The following ASPSCR1 variants were observed in gnomAD, a reference collection of about 807,000 sequenced individuals.
ASPSCR1 encodes the protein tether containing UBX domain for GLUT4.
In ASPSCR1, 55 loss-of-function variants were observed where a neutral mutation model predicts 68.9. The observed-to-expected ratio is 0.80, with a 90% confidence interval of 0.64 to 1.00. ASPSCR1 has a LOEUF of 1.00. Ranked by LOEUF, ASPSCR1 falls within the 50% of genes least tolerant of loss-of-function variation. The pLI, the probability that ASPSCR1 is intolerant of heterozygous loss-of-function variation, is 0.00. For synonymous variants in ASPSCR1, 352 were observed against 332.6 expected (o/e 1.06, Z -0.63); for missense variants, 765 against 762.2 (o/e 1.00, Z -0.04).
intron 4 of ASPSCR1, among the ~76,000 whole-genome samples, chr17:81,991,755 G>T (rs575810927): frequency 6.6e-6 from 1 of 152,356 alleles, no homozygotes; most frequent in Admixed American, 6.5e-5. Context: ...CCTGAGCCCA[G>T]TGGCTCCTGG....
intron 4 of ASPSCR1, 21 bp from the exon 5 acceptor site, chr17:81,994,800 G>A: frequency 6.2e-7 from 1 of 1,612,486 alleles, no homozygotes; most frequent in Non-Finnish European, 8.5e-7. Context: ...GTACCTGATG[G>A]TTTCTTTCCT....
At chr17:82,013,484 T>C (rs2043020563) in intron 12 of ASPSCR1, 1 of 151,116 alleles carries the variant, frequency 6.6e-6, no homozygotes, top group Admixed American at 6.6e-5. Context: ...GTGACGTGCC[T>C]GCCTGCCTGC....
In ASPSCR1 at chr17:82,016,999, A is replaced by C. The variant is rs1198792898; in HGVS notation, c.1534A>C (p.Lys512Gln). ...SPLPAPDPAP[K>Q]SEPAAEEGAL... ...ATTGCCAGCCCCTGACCCTGCACCT[A>C]AGTCTGAGCCAGCTGCTGAGGAGGG... Residue 512 changes from lysine (K) to glutamine (Q), a missense_variant, in exon 15 of 16, where the codon AAG (lysine) becomes CAG (glutamine). Lys to Gln is a moderately conservative substitution (Grantham distance 53). Transcript: ENST00000306739. 2 of 1,612,458 alleles carry C rather than the reference A, an allele frequency of 1.2e-6. No individual in the cohort carries two copies. The highest frequency in any genetic ancestry group is 2.7e-5 in the African/African-American group (2 of 74,920).
Position 81,990,705 on chromosome 17 carries a change from G to A in ASPSCR1, c.375-4116G>A, listed in dbSNP as rs765090336. ...TGGAAATGAGGATTTCATGGCCTACGGGCCCTGGGGGTACACGGCCCTCCT... is the reference window on the plus strand; with the variant it reads ...TGGAAATGAGGATTTCATGGCCTACAGGCCCTGGGGGTACACGGCCCTCCT... On this transcript the variant is annotated intron_variant, in intron 4 of 15. Coordinates refer to ENST00000306739, the MANE Select transcript of ASPSCR1 (RefSeq NM_024083.4). The surrounding 1 kb of genome is among the most constrained non-coding windows in gnomAD (Gnocchi z 4.1). 3.5e-4 allele frequency among the ~76,000 whole-genome samples: 53 copies of A among 152,304 alleles called. No homozygotes were observed. The highest frequency in any genetic ancestry group is 5.1e-4 in the Non-Finnish European group (35 of 68,020).
In ASPSCR1 at chr17:82,010,859, A is replaced by C. The variant is rs949756841; in HGVS notation, c.1228A>C (p.Ser410Arg). The C allele has an allele frequency of 6.2e-7, 1 of 1,612,600 alleles. No homozygotes were observed. Among genetic ancestry groups the C allele is most frequent in the Non-Finnish European group, 8.5e-7 (1 of 1,179,902 alleles). ...CGTCCTACAGGGCTTCTTCCGCCCCAGCGAGACAGGTGGGCAGCGCTGTGG... is the reference window on the plus strand; with the variant it reads ...CGTCCTACAGGGCTTCTTCCGCCCCCGCGAGACAGGTGGGCAGCGCTGTGG... ...RYVLQGFFRP[S>R]ETVGDLRDFV... Residue 410 changes from serine (S) to arginine (R), a missense_variant, in exon 10 of 16, where the codon AGC becomes CGC. Coordinates refer to ENST00000306739, the MANE Select transcript of ASPSCR1 (RefSeq NM_024083.4).
intron 7 of ASPSCR1, among the ~76,000 whole-genome samples, chr17:82,000,637 TTAAA>T (rs1208598245): frequency 6.6e-6 from 1 of 152,142 alleles, no homozygotes; most frequent in African/African-American, 2.4e-5. Context: ...GTTTTTGGAC[TTAAA>T]TAAAGAGTCA....
At chr17:81,980,941 G>A (rs1187497978) in intron 2 of ASPSCR1, among the ~76,000 whole-genome samples, 2 of 152,182 alleles carry the variant, frequency 1.3e-5, no homozygotes, top group Non-Finnish European at 2.9e-5. Flanking sequence ...CGAGGCGGAG[G>A]ATTGCCTGAG....
chr17:82,009,851 C>T (rs950835936), intron 9 of ASPSCR1: 11 of 277,246 alleles, frequency 4.0e-5, no homozygotes, highest in South Asian at 1.2e-4. Context: ...AGGGCCCCCC[C>T]GTGGTGGCGC....
chr17:82,009,782 G>T, intron 9 of ASPSCR1: 1 of 460,244 alleles, frequency 2.2e-6, no homozygotes, highest in Non-Finnish European at 4.0e-6. Context: ...CAGCTCTGAG[G>T]GGGCCCCCTG....
chr17:81,990,856 G>T lies in ASPSCR1; in HGVS notation c.375-3965G>T, dbSNP rs1009341540. On this transcript the variant is annotated intron_variant, in intron 4 of 15. Transcript: ENST00000306739. The surrounding 1 kb of genome is among the most constrained non-coding windows in gnomAD (Gnocchi z 4.1). ...ATGGGTTTAGAGCCAGCAGGCACTA[G>T]CCCCAGGAGGTCATACTGTGACTCG... Among the ~76,000 whole-genome samples, 11 of 152,116 alleles carry T rather than the reference G, an allele frequency of 7.2e-5. No individual in the cohort carries two copies. Among genetic ancestry groups the T allele is most frequent in the African/African-American group, 2.4e-4 (10 of 41,430 alleles).
intron 11 of ASPSCR1, among the ~76,000 whole-genome samples, chr17:82,011,904 G>A (rs1445636221): frequency 6.6e-6 from 1 of 152,150 alleles, no homozygotes; most frequent in African/African-American, 2.4e-5. Context: ...GGCCACTCCT[G>A]CCCGAGGGCT....
At position 82,006,399 on chromosome 17, in the gene ASPSCR1, C is replaced by G. The variant is rs147387984; in HGVS notation, c.934-2638C>G. ...TGCACATATGTGCATGCATGTTTGC[C>G]CCAGAGCGGAAGGAAAGTGAATGCA... is the stretch of plus-strand genomic sequence containing the variant. On this transcript the variant is annotated intron_variant, in intron 7 of 15. Coordinates refer to ENST00000306739, the MANE Select transcript of ASPSCR1 (RefSeq NM_024083.4). 12 of 152,314 alleles carry G rather than the reference C, an allele frequency of 7.9e-5. No individual in the cohort carries two copies. The East Asian group carries it at 1.7e-3, about 22-fold the overall frequency. The allele number at this position is 152,314 out of a possible 1,614,324, so 9.4% of individuals were successfully genotyped here. A position where few individuals can be genotyped will look rare whatever the true frequency, so the allele number is the denominator to read the frequency against.
At chr17:82,011,139 T>G (rs898432016) in intron 10 of ASPSCR1, among the ~76,000 whole-genome samples, 5 of 151,904 alleles carry the variant, frequency 3.3e-5, no homozygotes, top group Non-Finnish European at 5.9e-5. Flanking sequence ...TGGGCATGGG[T>G]GGGGCAGAGG....
At chr17:81,985,227 C>A (rs1173920088) in intron 3 of ASPSCR1, among the ~76,000 whole-genome samples, 1 of 151,994 alleles carries the variant, frequency 6.6e-6, no homozygotes, top group African/African-American at 2.4e-5. Context: ...ACTGCACACC[C>A]CCGCACACAC....
intron 15 of ASPSCR1, 67 bp from the exon 16 acceptor site, chr17:82,017,242 T>G: frequency 6.2e-7 from 1 of 1,603,252 alleles, no homozygotes; most frequent in South Asian, 1.1e-5. Context: ...TCAGCCGGGC[T>G]GGTGGGCGGG....
intron 4 of ASPSCR1, among the ~76,000 whole-genome samples, chr17:81,991,344 G>A (rs1211973822): frequency 6.6e-6 from 1 of 152,184 alleles, no homozygotes; most frequent in Non-Finnish European, 1.5e-5. Flanking sequence ...CTGGCTGAGT[G>A]CATCTCAGCC....
chr17:81,977,912 TC>T lies in ASPSCR1; in HGVS notation c.102+166del. The T allele has an allele frequency of 2.3e-6, 1 of 427,178 alleles. No individual in the cohort carries two copies. Among genetic ancestry groups the T allele is most frequent in the Non-Finnish European group, 3.7e-6 (1 of 273,334 alleles). The allele number at this position is 427,178 out of a possible 1,614,324, so 26.5% of individuals were successfully genotyped here. A position where few individuals can be genotyped will look rare whatever the true frequency, so the allele number is the denominator to read the frequency against. On this transcript the variant is annotated intron_variant, in intron 1 of 15. Transcript: ENST00000306739. This position sits in a 1 kb window ranked among gnomAD's most constrained non-coding sequence, Gnocchi z 5.0. ...CCCCCTGCTCGCCGTCACCTGCGCT[TC>T]CGCTGGGGTCCCGGGGGTCCCGGGG... is the stretch of plus-strand genomic sequence containing the variant.
At chr17:81,989,561 G>A (rs538125309) in intron 4 of ASPSCR1, among the ~76,000 whole-genome samples, 2 of 152,188 alleles carry the variant, frequency 1.3e-5, no homozygotes, top group Non-Finnish European at 2.9e-5. Flanking sequence ...GCTGTGCTTC[G>A]AAGGGGCGTT....
At chr17:82,016,426 G>C (rs567701559) in intron 12 of ASPSCR1, 50 bp from the exon 13 acceptor site, 3 of 1,503,800 alleles carry the variant, frequency 2.0e-6, no homozygotes, top group African/African-American at 1.4e-5. Flanking sequence ...TTCACAGCAG[G>C]GGGGTGCTCT....
Sources: gnomAD v4.1 joint callset for allele counts (sites outside exome capture counted in the v4.1 genomes callset) on GRCh38, gnomAD v4.1.1 for gene constraint, Gnocchi (gnomAD v3.1) non-coding constraint, MANE v1.5 for transcripts, NCBI Gene and HGNC (gene_info 2026-07-23, HGNC 2026-07-21) for gene names.